Variants in TMPRSS11E observed in about 807,000 individuals in gnomAD.
TMPRSS11E encodes the protein transmembrane serine protease 11E.
In TMPRSS11E, 38 loss-of-function variants were observed where a neutral mutation model predicts 48.1. That is an observed-to-expected ratio of 0.79 (90% CI 0.61 to 1.04). TMPRSS11E has a LOEUF of 1.04. Among genes scored for constraint, TMPRSS11E ranks in the 50% least tolerant of loss-of-function variants. The pLI, the probability that TMPRSS11E is intolerant of heterozygous loss-of-function variation, is 0.00. For missense variants in TMPRSS11E, 530 were observed against 510.8 expected, an observed-to-expected ratio of 1.04 and a Z score of -0.36; for synonymous variants, 158 against 171.9, an observed-to-expected ratio of 0.92 and a Z score of 0.63.
chr4:68,456,884 T>G (rs1252087162), intron 1 of TMPRSS11E, among the ~76,000 whole-genome samples: 2 of 152,166 alleles, frequency 1.3e-5, no homozygotes, highest in African/African-American at 4.8e-5. Context: ...ACCTCTTCCT[T>G]ACACCTTAAA....
At position 68,476,293 on chromosome 4, in the gene TMPRSS11E, CAG is replaced by C. The variant is rs1729215029; in HGVS notation, c.565_566del (p.Leu190GlnfsTer12). ...AACACGAAGAAGTAAAACTCTAGGT[CAG>C]AGTCTCAGGATCGTTGGTGGGACAG... ...CGTRRSKTLG[Q>X]SLRIVGGTEV... On this transcript the variant is annotated frameshift_variant, in exon 7 of 10. Coordinates refer to ENST00000305363, the MANE Select transcript of TMPRSS11E (RefSeq NM_014058.4). LOFTEE classifies it high-confidence loss of function. 8 of 1,614,148 alleles carry C rather than the reference CAG, an allele frequency of 5.0e-6. No homozygotes were observed. Among genetic ancestry groups the C allele is most frequent in the Non-Finnish European group, 2.5e-6 (3 of 1,179,996 alleles).
intron 2 of TMPRSS11E, among the ~76,000 whole-genome samples, chr4:68,466,149 C>T (rs1728921266): frequency 6.6e-6 from 1 of 152,176 alleles, no homozygotes; most frequent in Non-Finnish European, 1.5e-5. Context: ...CTAACCTCAT[C>T]TTCCTTTTCA....
intron 1 of TMPRSS11E, among the ~76,000 whole-genome samples, chr4:68,450,162 A>T (rs188719605): frequency 6.6e-6 from 1 of 152,024 alleles, no homozygotes; most frequent in Admixed American, 6.6e-5. Flanking sequence ...AGTATTTAGC[A>T]TGTGCTCACA....
chr4:68,448,888 ATTAAGT>A (rs1728419396), intron 1 of TMPRSS11E, among the ~76,000 whole-genome samples: 1 of 151,840 alleles, frequency 6.6e-6, no homozygotes, highest in Non-Finnish European at 1.5e-5. Flanking sequence ...GCAAAAAAGG[ATTAAGT>A]TTATTATTCA....
intron 1 of TMPRSS11E, among the ~76,000 whole-genome samples, chr4:68,457,115 G>C: frequency 6.6e-6 from 1 of 152,118 alleles, no homozygotes; most frequent in African/African-American, 2.4e-5. Context: ...AGAGTGAACA[G>C]GCAACCTAGA....
In TMPRSS11E at chr4:68,478,629, A is replaced by G. The variant is rs147810452; in HGVS notation, c.968-220A>G. Among the ~76,000 whole-genome samples the G allele has an allele frequency of 3.7e-3, 553 of 150,338 alleles. 6 individuals carry two copies. The highest frequency in any genetic ancestry group is 0.012 in the African/African-American group (497 of 40,834). On this transcript the variant is annotated intron_variant, in intron 8 of 9. Transcript: ENST00000305363. ...GCCACCACCCCCGGCTAATTTTTGT[A>G]TTTTTAGTAGAGACAGGATTTCACC...
At chr4:68,455,941 C>T (rs908416277) in intron 1 of TMPRSS11E, among the ~76,000 whole-genome samples, 4 of 151,964 alleles carry the variant, frequency 2.6e-5, no homozygotes, top group African/African-American at 9.7e-5. Flanking sequence ...TAACTAATTA[C>T]TTAATAATAT....
intron 1 of TMPRSS11E, among the ~76,000 whole-genome samples, chr4:68,454,345 A>C (rs1193698838): frequency 2.6e-5 from 4 of 151,914 alleles, no homozygotes; most frequent in Admixed American, 2.6e-4. Flanking sequence ...CATTTCTTAT[A>C]ATTTTTATGG....
At chr4:68,455,527 A>C (rs957068665) in intron 1 of TMPRSS11E, among the ~76,000 whole-genome samples, 1 of 151,936 alleles carries the variant, frequency 6.6e-6, no homozygotes, top group Non-Finnish European at 1.5e-5. Context: ...CCATTCTATC[A>C]TGCAAACTTT....
intron 5 of TMPRSS11E, among the ~76,000 whole-genome samples, chr4:68,473,379 T>G (rs1464159480): frequency 6.6e-6 from 1 of 152,096 alleles, no homozygotes; most frequent in Non-Finnish European, 1.5e-5. Flanking sequence ...TCAGTCCACC[T>G]CTGCTTACTT....
intron 6 of TMPRSS11E, among the ~76,000 whole-genome samples, chr4:68,475,569 C>T (rs140472917): frequency 5.3e-5 from 8 of 152,184 alleles, no homozygotes; most frequent in African/African-American, 1.9e-4. Context: ...TGTTAGACAA[C>T]AGGCATTCCA....
intron 1 of TMPRSS11E, among the ~76,000 whole-genome samples, chr4:68,451,061 G>A (rs950581568): frequency 9.9e-5 from 15 of 151,954 alleles, no homozygotes; most frequent in Admixed American, 2.0e-4. Context: ...GTGTGTTTCC[G>A]TATTAGCACT....
chr4:68,466,715 A>G lies in TMPRSS11E; in HGVS notation c.221A>G (p.Asn74Ser). The change falls in exon 3 of 10, where the codon AAC becomes AGC. Residue 74 changes from asparagine to serine, a missense_variant. Transcript: ENST00000305363. ...GCTGAGTTTGGCAGAGAGGCTTCTA[A>G]CAATTTTACAGAAATGAGCCAGAGA... is the stretch of plus-strand genomic sequence containing the variant. Reference protein sequence around the residue: ...LYAEFGREASNNFTEMSQRLE... With the variant: ...LYAEFGREASSNFTEMSQRLE... The G allele has an allele frequency of 6.2e-7, 1 of 1,613,804 alleles. No individual in the cohort carries two copies. The highest frequency in any genetic ancestry group is 8.5e-7 in the Non-Finnish European group (1 of 1,179,738).
At chr4:68,457,343 A>G (rs779387875) in intron 1 of TMPRSS11E, among the ~76,000 whole-genome samples, 2 of 152,220 alleles carry the variant, frequency 1.3e-5, no homozygotes, top group South Asian at 2.1e-4. Context: ...CAAAACCACA[A>G]TGAGTACCAT....
chr4:68,462,614 G>A (rs1395493118), intron 2 of TMPRSS11E, among the ~76,000 whole-genome samples: 1 of 151,170 alleles, frequency 6.6e-6, no homozygotes, highest in Non-Finnish European at 1.5e-5. Context: ...ACTCGTTGAA[G>A]TCCTGACATC....
At chr4:68,489,899 G>A (rs1028308488) in intron 9 of TMPRSS11E, among the ~76,000 whole-genome samples, 1 of 152,200 alleles carries the variant, frequency 6.6e-6, no homozygotes, top group Non-Finnish European at 1.5e-5. Context: ...TGGGGGATGG[G>A]CACCCATGCC....
chr4:68,468,948 T>C lies in TMPRSS11E; in HGVS notation c.326+2T>C. Reference sequence around the variant, plus strand: ...CAAGTCTCAGGTTATCAAGTTCAGGTATGTAAATCTGAATTGCTGACTTCT... The same window carrying C: ...CAAGTCTCAGGTTATCAAGTTCAGGCATGTAAATCTGAATTGCTGACTTCT... On this transcript the variant is annotated splice_donor_variant, in intron 4 of 9. Coordinates refer to ENST00000305363, the MANE Select transcript of TMPRSS11E (RefSeq NM_014058.4). LOFTEE classifies it high-confidence loss of function. 1 of 1,606,912 alleles carries C rather than the reference T, an allele frequency of 6.2e-7. No homozygotes were observed. Among genetic ancestry groups the C allele is most frequent in the East Asian group, 2.2e-5 (1 of 44,764 alleles).
At chr4:68,458,718 TAGGATCA>T (rs1221388562) in intron 1 of TMPRSS11E, among the ~76,000 whole-genome samples, 3 of 152,184 alleles carry the variant, frequency 2.0e-5, no homozygotes, top group African/African-American at 7.2e-5. Flanking sequence ...AACTAAGAAA[TAGGATCA>T]ATTATATCTC....
At chr4:68,481,942 AAAAC>A (rs1206405079) in intron 9 of TMPRSS11E, among the ~76,000 whole-genome samples, 4 of 152,178 alleles carry the variant, frequency 2.6e-5, no homozygotes, top group Non-Finnish European at 4.4e-5. Flanking sequence ...CCTGTCTCCA[AAAAC>A]AAACAAACAA....
Sources: gnomAD v4.1 joint callset for allele counts (sites outside exome capture counted in the v4.1 genomes callset) on GRCh38, gnomAD v4.1.1 for gene constraint, MANE v1.5 for transcripts, NCBI Gene and HGNC (gene_info 2026-07-23, HGNC 2026-07-21) for gene names.